The following PLEKHM3 variants were observed in gnomAD, a reference collection of about 807,000 sequenced individuals.
PLEKHM3 encodes the protein pleckstrin homology domain containing M3.
In PLEKHM3, 45 loss-of-function variants were observed where a neutral mutation model predicts 81.8. The observed-to-expected ratio is 0.55, with a 90% confidence interval of 0.43 to 0.71. The LOEUF (loss-of-function observed/expected upper bound fraction) is 0.71. Among genes scored for constraint, PLEKHM3 ranks in the 30% least tolerant of loss-of-function variants. The probability of loss-of-function intolerance (pLI) is 0.00; values close to 1 mark genes in which losing one functional copy is unlikely to be tolerated. For synonymous variants in PLEKHM3, 352 were observed against 356.4 expected (o/e 0.99, Z 0.14); for missense variants, 788 against 924.3 (o/e 0.85, Z 1.91).
intron 5 of PLEKHM3, among the ~76,000 whole-genome samples, chr2:207,924,825 G>T (rs1041277539): frequency 6.6e-6 from 1 of 152,176 alleles, no homozygotes; most frequent in South Asian, 2.1e-4. Flanking sequence ...AAGGGCAGCC[G>T]AGGTGTTGGG....
At chr2:207,837,535 G>C (rs2092325701) in intron 7 of PLEKHM3, among the ~76,000 whole-genome samples, 1 of 151,912 alleles carries the variant, frequency 6.6e-6, no homozygotes, top group Non-Finnish European at 1.5e-5. Flanking sequence ...GGGAGGCAGA[G>C]GTGGCAGTGA....
chr2:207,860,148 C>CGTGTGTGTGT (rs1352983342), intron 7 of PLEKHM3, among the ~76,000 whole-genome samples: 7 of 58,070 alleles, frequency 1.2e-4, no homozygotes, highest in African/African-American at 4.9e-4. Context: ...CTGAACTCTG[C>CGTGTGTGTGT]CTCTGTGTGT....
At chr2:207,879,583 C>T (rs2092576334) in intron 6 of PLEKHM3, among the ~76,000 whole-genome samples, 1 of 152,174 alleles carries the variant, frequency 6.6e-6, no homozygotes, top group African/African-American at 2.4e-5. Context: ...TTGACCAGAC[C>T]GGGTTATGGC....
intron 6 of PLEKHM3, among the ~76,000 whole-genome samples, chr2:207,905,944 G>A (rs1230064531): frequency 6.6e-6 from 1 of 152,108 alleles, no homozygotes; most frequent in Non-Finnish European, 1.5e-5. Context: ...AAAGAAAAGG[G>A]GGTGGAGAGA....
chr2:207,982,920 T>C (rs1158361715), intron 2 of PLEKHM3, among the ~76,000 whole-genome samples: 1 of 152,014 alleles, frequency 6.6e-6, no homozygotes, highest in East Asian at 1.9e-4. Context: ...CTTACTCTAT[T>C]GTAAGAATAC....
intron 2 of PLEKHM3, among the ~76,000 whole-genome samples, chr2:207,984,297 T>TA (rs1441196680): frequency 2.0e-5 from 3 of 152,232 alleles, no homozygotes; most frequent in Admixed American, 6.5e-5. Context: ...ATAAGATCTT[T>TA]AAAATATATA....
intron 6 of PLEKHM3, among the ~76,000 whole-genome samples, chr2:207,880,680 G>A (rs562911817): frequency 9.2e-5 from 13 of 141,750 alleles, no homozygotes; most frequent in Admixed American, 1.4e-4. Context: ...GGAGAATGGC[G>A]TGAACCCGGG....
chr2:208,018,344 A>T (rs1692999248), intron 1 of PLEKHM3, among the ~76,000 whole-genome samples: 1 of 147,286 alleles, frequency 6.8e-6, no homozygotes, highest in African/African-American at 2.5e-5. Flanking sequence ...CTGAACTCTG[A>T]CCTGGCAACA....
chr2:207,982,140 T>A (rs1691547502), intron 2 of PLEKHM3, among the ~76,000 whole-genome samples: 2 of 152,214 alleles, frequency 1.3e-5, no homozygotes, highest in Admixed American at 6.5e-5. Context: ...TTTATGGAGA[T>A]GGCTATGGCC....
chr2:207,978,351 T>G (rs1691396307), intron 2 of PLEKHM3, among the ~76,000 whole-genome samples: 1 of 147,242 alleles, frequency 6.8e-6, no homozygotes, highest in African/African-American at 2.5e-5. Context: ...TTACCATTAC[T>G]TTTAACGGTA....
rs1574462257 is a variant in PLEKHM3 at position 207,977,400 on chromosome 2, G to T, written c.797C>A (p.Ser266Tyr). 10 of 1,614,078 alleles carry T rather than the reference G, an allele frequency of 6.2e-6. No individual in the cohort carries two copies. In the South Asian group the frequency reaches 9.9e-5, roughly 16 times the overall value. The change falls in exon 3 of 8, where the codon TCT (serine) becomes TAT (tyrosine). Residue 266 changes from serine (S) to tyrosine (Y), a missense_variant. Coordinates refer to ENST00000427836, the MANE Select transcript of PLEKHM3 (RefSeq NM_001080475.3). ...CCTGGCCTCCAGGTTGCCTAAAACAGATATGCTCTGGAAGTGTGAAAGCTG... is the reference window on the plus strand; with the variant it reads ...CCTGGCCTCCAGGTTGCCTAAAACATATATGCTCTGGAAGTGTGAAAGCTG... ...TYQLSHFQSISVLGNLEARMV... is the reference protein window; with the variant it reads ...TYQLSHFQSIYVLGNLEARMV...
intron 2 of PLEKHM3, among the ~76,000 whole-genome samples, chr2:207,989,916 G>C (rs1691843445): frequency 1.3e-5 from 2 of 152,216 alleles, no homozygotes; most frequent in African/African-American, 4.8e-5. Context: ...TGCCCATGAA[G>C]GGCTGATGGC....
chr2:207,925,705 T>G (rs1346958456), intron 5 of PLEKHM3, among the ~76,000 whole-genome samples: 1 of 152,184 alleles, frequency 6.6e-6, no homozygotes, highest in Non-Finnish European at 1.5e-5. Flanking sequence ...AGCTCTAATC[T>G]TCAGCTTTGT....
At chr2:207,900,321 T>A (rs950391053) in intron 6 of PLEKHM3, 1 of 152,208 alleles carries the variant, frequency 6.6e-6, no homozygotes, top group African/African-American at 2.4e-5. Context: ...CCTTACAACA[T>A]GGCCACTGGG....
At chr2:207,977,666 C>T (rs1033108832) in intron 2 of PLEKHM3, 80 bp from the exon 3 acceptor site, 2 of 1,213,056 alleles carry the variant, frequency 1.6e-6, no homozygotes, top group Non-Finnish European at 1.2e-6. Context: ...CAGATCAGGG[C>T]ACAAGAAACC....
At chr2:207,886,328 A>C (rs1202413635) in intron 6 of PLEKHM3, among the ~76,000 whole-genome samples, 3 of 152,186 alleles carry the variant, frequency 2.0e-5, no homozygotes, top group African/African-American at 7.2e-5. Context: ...ATAGATTAAA[A>C]GCAATTAAAA....
chr2:207,978,831 C>A (rs1454068167), intron 2 of PLEKHM3, among the ~76,000 whole-genome samples: 1 of 152,182 alleles, frequency 6.6e-6, no homozygotes, highest in Non-Finnish European at 1.5e-5. Context: ...CTAAATTATT[C>A]TTCTATCATG....
At chr2:207,963,131 C>A (rs1034930565) in intron 3 of PLEKHM3, among the ~76,000 whole-genome samples, 1 of 151,986 alleles carries the variant, frequency 6.6e-6, no homozygotes, top group Admixed American at 6.6e-5. Context: ...GTCAGTGTGC[C>A]GGGATGGAGA....
chr2:207,828,766 T>C (rs1453130836), intron 7 of PLEKHM3, among the ~76,000 whole-genome samples: 2 of 152,182 alleles, frequency 1.3e-5, no homozygotes, highest in South Asian at 2.1e-4. Flanking sequence ...ATTCTGGTTA[T>C]AGTGACAATG....
Sources: gnomAD v4.1 joint callset for allele counts (sites outside exome capture counted in the v4.1 genomes callset) on GRCh38, gnomAD v4.1.1 for gene constraint, MANE v1.5 for transcripts, NCBI Gene and HGNC (gene_info 2026-07-23, HGNC 2026-07-21) for gene names.